Variants in SLC23A2 observed in about 807,000 individuals in gnomAD.
The protein encoded by SLC23A2 is solute carrier family 23 member 2.
In SLC23A2, 36 loss-of-function variants were observed where a neutral mutation model predicts 73.3. That is an observed-to-expected ratio of 0.49 (90% CI 0.38 to 0.65). The LOEUF (loss-of-function observed/expected upper bound fraction) is 0.65. Ranked by LOEUF, SLC23A2 falls within the 30% of genes least tolerant of loss-of-function variation. The pLI, the probability that SLC23A2 is intolerant of heterozygous loss-of-function variation, is 0.00. For missense variants in SLC23A2, 507 were observed against 841.6 expected (o/e 0.60, Z 4.92); for synonymous variants, 343 against 327.3 (o/e 1.05, Z -0.52).
At chr20:4,861,817 AG>A in intron 15 of SLC23A2, 130 bp downstream of exon 15, 1 of 881,322 alleles carries the variant, frequency 1.1e-6, no homozygotes, top group African/African-American at 1.7e-5. Context: ...GAGATTCAAG[AG>A]AGATCCACAG....
intron 1 of SLC23A2, chr20:5,010,032 T>C (rs1008387694): frequency 8.0e-5 from 12 of 150,660 alleles, no homozygotes; most frequent in African/African-American, 2.9e-4. Flanking sequence ...GAGGCGGAGC[T>C]TGCAGTGAGC....
chr20:4,867,916 G>A (rs1368062922), intron 12 of SLC23A2, 41 bp from the exon 13 acceptor site: 1 of 1,153,008 alleles, frequency 8.7e-7, no homozygotes, highest in Admixed American at 1.7e-5. Context: ...TCATTCAATG[G>A]GATAATGCAT....
intron 16 of SLC23A2, among the ~76,000 whole-genome samples, chr20:4,858,396 T>A (rs563806914): frequency 2.0e-5 from 3 of 152,324 alleles, no homozygotes; most frequent in African/African-American, 7.2e-5. Context: ...GACTGTTGCA[T>A]CCCTCTCTCA....
chr20:4,907,483 T>TA lies in SLC23A2; in HGVS notation c.208-4926dup, dbSNP rs199898425. Among the ~76,000 whole-genome samples, 326 of 151,480 alleles carry TA rather than the reference T, an allele frequency of 2.2e-3. 2 individuals carry two copies. In the East Asian group the frequency reaches 0.022, roughly 10 times the overall value. ...TCAATGTAGTATTTTTTAAAAAGCT[T>TA]AAAAAAAAACTATCTTCAGAAAAAT... On this transcript the variant is annotated intron_variant, in intron 4 of 16. Transcript: ENST00000338244.
intron 7 of SLC23A2, 50 bp from the exon 8 acceptor site, chr20:4,884,873 T>C (rs1931034879): frequency 1.9e-6 from 2 of 1,032,174 alleles, no homozygotes; most frequent in East Asian, 2.6e-5. Context: ...ATGTCTCACA[T>C]GACATATTCA....
chr20:5,005,533 G>T (rs947404094), upstream of SLC23A2, among the ~76,000 whole-genome samples: 1 of 152,078 alleles, frequency 6.6e-6, no homozygotes, highest in Middle Eastern at 3.4e-3. Context: ...TGTAGCTTGG[G>T]GCTATTCCAT....
intron 1 of SLC23A2, among the ~76,000 whole-genome samples, chr20:4,977,237 C>T (rs144856791): frequency 4.2e-4 from 64 of 152,248 alleles, no homozygotes; most frequent in Middle Eastern, 3.4e-3. Flanking sequence ...TCTTTATGAA[C>T]ATGACTTCTT....
intron 6 of SLC23A2, among the ~76,000 whole-genome samples, chr20:4,895,905 G>A (rs1045148384): frequency 2.0e-5 from 3 of 152,292 alleles, no homozygotes; most frequent in African/African-American, 7.2e-5. Context: ...TGGGAACAGC[G>A]CATATGCTCA....
intron 16 of SLC23A2, among the ~76,000 whole-genome samples, chr20:4,858,053 G>A (rs2122766341): frequency 6.6e-6 from 1 of 152,196 alleles, no homozygotes; most frequent in Non-Finnish European, 1.5e-5. Context: ...AAACAGGGCT[G>A]AATCTTTATT....
At chr20:4,858,445 T>C (rs576314298) in intron 16 of SLC23A2, among the ~76,000 whole-genome samples, 27 of 152,222 alleles carry the variant, frequency 1.8e-4, no homozygotes, top group Non-Finnish European at 3.4e-4. Flanking sequence ...GTAGTCGTTA[T>C]GGACTCTTAA....
intron 6 of SLC23A2, among the ~76,000 whole-genome samples, chr20:4,896,233 A>T (rs185383256): frequency 7.2e-5 from 11 of 152,270 alleles, no homozygotes; most frequent in Admixed American, 4.6e-4. Context: ...GCTGCCTCAG[A>T]CACGCAGCCC....
intron 2 of SLC23A2, among the ~76,000 whole-genome samples, chr20:4,939,982 C>A (rs2087015651): frequency 6.6e-6 from 1 of 151,986 alleles, no homozygotes; most frequent in South Asian, 2.1e-4. Context: ...CATTAATACC[C>A]CCCCAACAGG....
intron 1 of SLC23A2, among the ~76,000 whole-genome samples, chr20:4,993,275 C>T (rs1467999501): frequency 2.0e-5 from 3 of 147,718 alleles, no homozygotes; most frequent in African/African-American, 5.0e-5. Context: ...GCCACTGCAC[C>T]CCAGCCTGGG....
intron 3 of SLC23A2, among the ~76,000 whole-genome samples, chr20:4,919,610 C>A (rs965222301): frequency 6.6e-6 from 1 of 152,190 alleles, no homozygotes; most frequent in African/African-American, 2.4e-5. Flanking sequence ...CTACTGTCTG[C>A]CTGGCACATA....
chr20:4,876,993 T>A (rs1173031876), intron 9 of SLC23A2, among the ~76,000 whole-genome samples: 1 of 151,950 alleles, frequency 6.6e-6, no homozygotes, highest in African/African-American at 2.4e-5. Context: ...TAGTGACTGC[T>A]TAGCATTCTG....
chr20:4,913,544 C>G (rs1033582325), intron 3 of SLC23A2, among the ~76,000 whole-genome samples: 1 of 152,192 alleles, frequency 6.6e-6, no homozygotes, highest in Non-Finnish European at 1.5e-5. Context: ...AGAACAAAAG[C>G]TTTAACCCAA....
intron 3 of SLC23A2, among the ~76,000 whole-genome samples, chr20:4,927,578 T>G (rs1352003466): frequency 6.6e-6 from 1 of 152,108 alleles, no homozygotes; most frequent in African/African-American, 2.4e-5. Flanking sequence ...GCAGTTCAAA[T>G]CCACAACTTC....
intron 1 of SLC23A2, among the ~76,000 whole-genome samples, chr20:4,980,268 C>G (rs1298949900): frequency 1.3e-5 from 2 of 152,062 alleles, no homozygotes; most frequent in Non-Finnish European, 2.9e-5. Flanking sequence ...GGAAAATGCA[C>G]TCAGATTTAG....
intron 1 of SLC23A2, among the ~76,000 whole-genome samples, chr20:4,977,776 T>A (rs995985980): frequency 6.6e-6 from 1 of 151,868 alleles, no homozygotes; most frequent in Non-Finnish European, 1.5e-5. Context: ...TGAGCTCAAG[T>A]GATCCTCCTG....
Sources: allele counts gnomAD v4.1 joint callset (sites outside exome capture counted in the v4.1 genomes callset), GRCh38; gene constraint gnomAD v4.1.1; transcripts MANE v1.5; gene names NCBI Gene and HGNC (gene_info 2026-07-23, HGNC 2026-07-21).